The following RPL9 variants were observed in gnomAD, a reference collection of about 807,000 sequenced individuals.
RPL9 encodes ribosomal protein L9.
For missense variants in RPL9, 149 were observed against 236.7 expected (o/e 0.63, Z 2.43); for synonymous variants, 82 against 77.1 (o/e 1.06, Z -0.33).
At chr4:39,457,713 G>A in intron 3 of RPL9, 32 bp from the exon 4 acceptor site, 1 of 1,545,672 alleles carries the variant, frequency 6.5e-7, no homozygotes, top group Non-Finnish European at 8.9e-7. Context: ...ATTCTTTCCA[G>A]AAATATGCAG....
intron 3 of RPL9, 176 bp downstream of exon 3, chr4:39,458,018 T>C (rs747344529): frequency 5.5e-6 from 4 of 728,670 alleles, no homozygotes; most frequent in Admixed American, 2.0e-5. Context: ...TTTATATAAT[T>C]GGCTGTGTTC....
intron 5 of RPL9, 27 bp from the exon 6 acceptor site, chr4:39,454,971 G>C (rs747829174): frequency 5.2e-5 from 82 of 1,582,494 alleles, no homozygotes; most frequent in Non-Finnish European, 5.3e-5. Flanking sequence ...CATTTGCACA[G>C]CATCAAATCT....
intron 4 of RPL9, 37 bp from the exon 5 acceptor site, chr4:39,456,575 G>A: frequency 1.9e-6 from 3 of 1,600,640 alleles, no homozygotes; most frequent in South Asian, 1.1e-5. Context: ...TAGCAATGCT[G>A]AGGAATATTT....
intron 3 of RPL9, 163 bp from the exon 4 acceptor site, chr4:39,457,844 C>A: frequency 1.5e-6 from 1 of 664,816 alleles, no homozygotes; most frequent in South Asian, 1.8e-5. Flanking sequence ...AACAGTTAAG[C>A]TTTGTAGAAG....
rs200724499 is a variant in RPL9 at position 39,458,175 on chromosome 4, T to C, written c.162+19A>G. On this transcript the variant is annotated intron_variant, in intron 3 of 7. Coordinates refer to ENST00000295955, the MANE Select transcript of RPL9 (RefSeq NM_000661.5). ...CACCTTCCAACGAGCAACTGAATTA[T>C]CAGAAGAAAAACCCTCACCCTCTTT... The C allele has an allele frequency of 4.3e-6, 7 of 1,612,456 alleles. No individual in the cohort carries two copies. Among genetic ancestry groups the C allele is most frequent in the Admixed American group, 1.7e-5 (1 of 59,996 alleles).
intron 1 of RPL9, 71 bp downstream of exon 1, chr4:39,458,820 G>C: frequency 1.5e-6 from 1 of 688,754 alleles, no homozygotes; most frequent in South Asian, 1.5e-5. Context: ...AGTGGGAGCC[G>C]CGCCGCAGCC....
chr4:39,458,047 T>C, intron 3 of RPL9, 147 bp downstream of exon 3: 1 of 843,054 alleles, frequency 1.2e-6, no homozygotes, highest in Non-Finnish European at 2.0e-6. Flanking sequence ...GTTTTTCAAT[T>C]TCACTGAACA....
Position 39,456,519 on chromosome 4 carries a change from C to T in RPL9, c.278G>A (p.Arg93Lys). Reference protein sequence around the residue: ...GVTLGFRYKMRSVYAHFPINV... With the variant: ...GVTLGFRYKMKSVYAHFPINV... ...GATGGGGAAGTGAGCATACACAGAC[C>T]TCATCTTGTAACGGAAGCCCTATGT... Residue 93 changes from arginine (R) to lysine (K), a missense_variant, in exon 5 of 8, where the codon AGG (arginine) becomes AAG (lysine). Transcript: ENST00000295955. The T allele has an allele frequency of 1.9e-6, 3 of 1,613,942 alleles. No homozygotes were observed. The highest frequency in any genetic ancestry group is 2.2e-5 in the South Asian group (2 of 91,044).
chr4:39,456,885 C>T (rs866647616), intron 4 of RPL9: 31 of 212,756 alleles, frequency 1.5e-4, no homozygotes, highest in African/African-American at 7.3e-4. Context: ...CAAAGGCAGG[C>T]CCCCTGCCTT....
In RPL9 at chr4:39,454,423, G is replaced by A. The variant is rs1006676323; in HGVS notation, c.*10+110C>T. 1.0e-4 allele frequency: 81 copies of A among 797,670 alleles called. No homozygotes were observed. The African/African-American group carries it at 1.3e-3, about 13-fold the overall frequency. The allele number at this position is 797,670 out of a possible 1,614,324, so 49.4% of individuals were successfully genotyped here. On this transcript the variant is annotated intron_variant, in intron 7 of 7. Coordinates refer to ENST00000295955, the MANE Select transcript of RPL9 (RefSeq NM_000661.5). ...TGTCAAATTTACTGTGTTCCAGAAT[G>A]CTTAACTCTCCATTTTCTATTACTA...
chr4:39,457,367 A>AAC lies in RPL9; in HGVS notation c.258+218_258+219insGT, dbSNP rs1553933087. ...CCAGCCTTGATTAAAAAAAAAAAAA[A>AAC]CCCAACAACAGAAAAAAACAAACAT... On this transcript the variant is annotated intron_variant, in intron 4 of 7. Coordinates refer to ENST00000295955, the MANE Select transcript of RPL9 (RefSeq NM_000661.5). 2.1e-3 allele frequency: 887 copies of AAC among 412,626 alleles called. 5 individuals are homozygous for AAC. The highest frequency in any genetic ancestry group is 0.017 in the Admixed American group (401 of 24,294). 25.6% of individuals were successfully genotyped at this position (412,626 alleles called of 1,614,324 possible).
In RPL9 at chr4:39,456,465, A is replaced by G; in HGVS notation, c.332T>C (p.Leu111Pro). 1 of 1,614,172 alleles carries G rather than the reference A, an allele frequency of 6.2e-7. No individual in the cohort carries two copies. The highest frequency in any genetic ancestry group is 8.5e-7 in the Non-Finnish European group (1 of 1,180,004). Residue 111 changes from leucine to proline, a missense_variant, in exon 5 of 8, where the codon CTT becomes CCT. By Grantham distance (98) the Leu-to-Pro change is moderately conservative. Coordinates refer to ENST00000295955, the MANE Select transcript of RPL9 (RefSeq NM_000661.5). ...ACCCAAGAAATTTCGGATTTCAACA[A>G]GAGACCCATTCTCCTGGATAACAAC... Reference protein sequence around the residue: ...INVVIQENGSLVEIRNFLGEK... With the variant: ...INVVIQENGSPVEIRNFLGEK...
At chr4:39,457,392 T>A in intron 4 of RPL9, 194 bp downstream of exon 4, 1 of 486,948 alleles carries the variant, frequency 2.1e-6, no homozygotes, top group South Asian at 3.0e-5. Flanking sequence ...AAAACAAACA[T>A]GTTGTACCCA....
intron 5 of RPL9, chr4:39,456,059 C>T (rs2109855373): frequency 3.1e-6 from 1 of 322,218 alleles, no homozygotes; most frequent in East Asian, 8.1e-5. Flanking sequence ...ACAGAATATG[C>T]ATGTGTTGAA....
At chr4:39,456,104 T>C (rs1744074902) in intron 5 of RPL9, 5 of 392,236 alleles carry the variant, frequency 1.3e-5, no homozygotes, top group South Asian at 4.3e-5. Context: ...CACACCATTA[T>C]ATACACCTTT....
Position 39,454,986 on chromosome 4 carries a change from A to C in RPL9, c.392-42T>G, listed in dbSNP as rs976607220. On this transcript the variant is annotated intron_variant, in intron 5 of 7. Coordinates refer to ENST00000295955, the MANE Select transcript of RPL9 (RefSeq NM_000661.5). ...CATTTGCACAGCATCAAATCTGTGT[A>C]AAAAATATTTAAATTGCAGAGGCAC... 5.1e-6 allele frequency: 8 copies of C among 1,557,962 alleles called. No homozygotes were observed. The Middle Eastern group carries it at 6.7e-4, about 131-fold the overall frequency.
chr4:39,457,943 G>C (rs1032740633), intron 3 of RPL9: 1 of 637,588 alleles, frequency 1.6e-6, no homozygotes, highest in South Asian at 1.8e-5. Flanking sequence ...GCAATCACTA[G>C]GAAAATAAAC....
chr4:39,454,748 CTTTTT>C (rs1174992086), intron 6 of RPL9, 99 bp from the exon 7 acceptor site: 1 of 1,451,878 alleles, frequency 6.9e-7, no homozygotes, highest in Non-Finnish European at 9.4e-7. Flanking sequence ...AGAATGTGAC[CTTTTT>C]ATTTTCACAA....
intron 1 of RPL9, 192 bp from the exon 2 acceptor site, chr4:39,458,632 G>A (rs1744238112): frequency 1.6e-6 from 1 of 636,252 alleles, no homozygotes; most frequent in Non-Finnish European, 2.7e-6. Flanking sequence ...AGAATTACGA[G>A]GCCCAGCAGT....
Sources: gnomAD v4.1 joint callset for allele counts on GRCh38, gnomAD v4.1.1 for gene constraint, MANE v1.5 for transcripts, NCBI Gene and HGNC (gene_info 2026-07-23, HGNC 2026-07-21) for gene names.